KHDRBS2: variants seen among roughly 807,000 people sequenced by gnomAD.
KHDRBS2 encodes the protein KH RNA binding domain containing, signal transduction associated 2.
Under a neutral mutation model 44.3 loss-of-function variants are expected in KHDRBS2, and 26 were observed. The ratio of observed to expected loss-of-function variants is 0.59; its 90% CI spans 0.43 to 0.81. The LOEUF (loss-of-function observed/expected upper bound fraction) is 0.81, where lower values mean the gene tolerates loss of function less well. KHDRBS2 is among the 40% of genes least tolerant of loss of function. KHDRBS2 has a pLI of 0.00. For missense variants in KHDRBS2, 476 were observed against 433.1 expected (o/e 1.10, Z -0.88); for synonymous variants, 194 against 151.1 (o/e 1.28, Z -2.08).
chr6:61,547,419 C>T, the KHDRBS2 span, among the ~76,000 whole-genome samples: 2 of 152,016 alleles, frequency 1.3e-5, no homozygotes, highest in Admixed American at 6.6e-5. Flanking sequence ...TTCATAAAGG[C>T]AGGTTGAAAA....
chr6:61,850,359 C>T (rs1795246760), intron 6 of KHDRBS2, among the ~76,000 whole-genome samples: 1 of 151,806 alleles, frequency 6.6e-6, no homozygotes, highest in Non-Finnish European at 1.5e-5. Context: ...TTGTAGATGC[C>T]TAGTGCTTGG....
intron 3 of KHDRBS2, among the ~76,000 whole-genome samples, chr6:61,999,722 T>C (rs893362673): frequency 6.6e-6 from 1 of 152,160 alleles, no homozygotes; most frequent in Non-Finnish European, 1.5e-5. Flanking sequence ...AAATGAATTT[T>C]AAAGCCAGAG....
chr6:62,061,084 G>A (rs762416084), intron 2 of KHDRBS2, among the ~76,000 whole-genome samples: 22 of 151,850 alleles, frequency 1.4e-4, no homozygotes, highest in Non-Finnish European at 2.8e-4. Context: ...AGTTAGATGG[G>A]TTTCCTGAAT....
intron 3 of KHDRBS2, among the ~76,000 whole-genome samples, chr6:61,983,236 CTTTTT>C (rs1173961055): frequency 2.5e-5 from 3 of 118,506 alleles, no homozygotes; most frequent in African/African-American, 9.3e-5. Flanking sequence ...TTCTTTCTTT[CTTTTT>C]TTTTTTTTTT....
intron 6 of KHDRBS2, among the ~76,000 whole-genome samples, chr6:61,815,564 T>C (rs1174528779): frequency 3.3e-5 from 5 of 152,160 alleles, no homozygotes; most frequent in Admixed American, 6.6e-5. Flanking sequence ...AGAGGTTGGT[T>C]GGGATTATCT....
intron 8 of KHDRBS2, among the ~76,000 whole-genome samples, chr6:61,693,310 A>G (rs371567934): frequency 1.5e-4 from 23 of 152,184 alleles, no homozygotes; most frequent in African/African-American, 4.6e-4. Flanking sequence ...CTACTACATG[A>G]TATCTAATAC....
intron 3 of KHDRBS2, among the ~76,000 whole-genome samples, chr6:62,013,086 T>C (rs1409840818): frequency 6.6e-6 from 1 of 152,164 alleles, no homozygotes; most frequent in Non-Finnish European, 1.5e-5. Context: ...ATAGTCTGGT[T>C]GCAAAATTAA....
chr6:61,674,477 A>C, the KHDRBS2 span, among the ~76,000 whole-genome samples: 1 of 151,730 alleles, frequency 6.6e-6, no homozygotes, highest in Non-Finnish European at 1.5e-5. Flanking sequence ...AATGAGTTTA[A>C]TTATACTTCA....
At chr6:62,066,953 T>G (rs1793874941) in intron 2 of KHDRBS2, among the ~76,000 whole-genome samples, 1 of 151,596 alleles carries the variant, frequency 6.6e-6, no homozygotes, top group Non-Finnish European at 1.5e-5. Context: ...AAGATATGCC[T>G]TTAGTTTCTT....
intron 6 of KHDRBS2, among the ~76,000 whole-genome samples, chr6:61,765,270 T>C (rs1779845902): frequency 6.6e-6 from 1 of 151,944 alleles, no homozygotes; most frequent in African/African-American, 2.4e-5. Flanking sequence ...CTGGGCAAAA[T>C]AGGGAGACTA....
At chr6:61,557,503 C>T in the KHDRBS2 span, among the ~76,000 whole-genome samples, 1 of 152,078 alleles carries the variant, frequency 6.6e-6, no homozygotes, top group Non-Finnish European at 1.5e-5. Flanking sequence ...ATTGCCTTTC[C>T]TTTCTGTTAT....
At chr6:62,254,309 T>G (rs1457741577) in intron 1 of KHDRBS2, among the ~76,000 whole-genome samples, 9 of 152,062 alleles carry the variant, frequency 5.9e-5, no homozygotes, top group Non-Finnish European at 4.4e-5. Flanking sequence ...CAACAAATAT[T>G]TGAATCACTG....
chr6:62,164,722 T>C (rs1271963598), intron 2 of KHDRBS2, among the ~76,000 whole-genome samples: 1 of 151,930 alleles, frequency 6.6e-6, no homozygotes, highest in African/African-American at 2.4e-5. Flanking sequence ...CAAAAGTCTG[T>C]GCCTTTGTGA....
chr6:62,197,362 C>T (rs1825915195), intron 1 of KHDRBS2, among the ~76,000 whole-genome samples: 1 of 151,982 alleles, frequency 6.6e-6, no homozygotes, highest in African/African-American at 2.4e-5. Context: ...TGAGGGAAAC[C>T]TATGGTTACA....
At chr6:62,106,335 G>A (rs1234652457) in intron 2 of KHDRBS2, among the ~76,000 whole-genome samples, 1 of 152,124 alleles carries the variant, frequency 6.6e-6, no homozygotes, top group Admixed American at 6.6e-5. Context: ...GGGGATCCTT[G>A]TTAACTTTCT....
intron 1 of KHDRBS2, among the ~76,000 whole-genome samples, chr6:62,246,111 T>C (rs1489391136): frequency 1.1e-5 from 1 of 94,884 alleles, no homozygotes; most frequent in East Asian, 2.9e-4. Context: ...TTTATATATA[T>C]ATATATATAT....
rs961835378 is a variant in KHDRBS2 at position 61,808,626 on chromosome 6, C to CA, written c.811-75863dup. Reference sequence around the variant, plus strand: ...TGTGTGCTCATTAAGGATAAAACATCAAAAAATAGATAAGTGAGAAATGAA... The same window carrying CA: ...TGTGTGCTCATTAAGGATAAAACATCAAAAAAATAGATAAGTGAGAAATGAA... On this transcript the variant is annotated intron_variant, in intron 6 of 8. Transcript: ENST00000281156. Among the ~76,000 whole-genome samples, 11 of 151,888 alleles carry CA rather than the reference C, an allele frequency of 7.2e-5. No individual in the cohort carries two copies. In the East Asian group the frequency reaches 1.4e-3, roughly 19 times the overall value.
chr6:61,626,482 C>A, the KHDRBS2 span, among the ~76,000 whole-genome samples: 31 of 152,288 alleles, frequency 2.0e-4, no homozygotes, highest in Middle Eastern at 3.4e-3. Flanking sequence ...ATATTTTTGA[C>A]CTCATTACTT....
chr6:61,997,120 T>A (rs765325545), intron 3 of KHDRBS2, among the ~76,000 whole-genome samples: 78 of 152,210 alleles, frequency 5.1e-4, no homozygotes, highest in Non-Finnish European at 9.4e-4. Context: ...TTCCCATTAT[T>A]TGTTTTCTGT....
Sources: gnomAD v4.1 joint callset for allele counts (sites outside exome capture counted in the v4.1 genomes callset) on GRCh38, gnomAD v4.1.1 for gene constraint, MANE v1.5 for transcripts, NCBI Gene and HGNC (gene_info 2026-07-23, HGNC 2026-07-21) for gene names.